PAM: variants seen among roughly 807,000 people sequenced by gnomAD.
PAM encodes the protein peptidylglycine alpha-amidating monooxygenase, also known as peptidyl-glycine alpha-amidating monooxygenase.
PAM carries 72 observed loss-of-function variants against 122.1 expected under a neutral mutation model. The ratio of observed to expected loss-of-function variants is 0.59; its 90% CI spans 0.49 to 0.72. PAM has a LOEUF of 0.72. PAM is among the 30% of genes least tolerant of loss of function. The probability of loss-of-function intolerance (pLI) is 0.00; values close to 1 mark genes in which losing one functional copy is unlikely to be tolerated. For missense variants in PAM, 1,106 were observed against 1,183.7 expected (o/e 0.93, Z 0.96); for synonymous variants, 389 against 404.4 (o/e 0.96, Z 0.46).
At chr5:102,932,221 C>A (rs976699653) in intron 7 of PAM, among the ~76,000 whole-genome samples, 16 of 152,088 alleles carry the variant, frequency 1.1e-4, no homozygotes, top group African/African-American at 3.4e-4. Flanking sequence ...CTTTCCTGGG[C>A]ACAGTGGCTC....
intron 3 of PAM, among the ~76,000 whole-genome samples, chr5:102,882,670 G>C (rs548328183): frequency 9.2e-5 from 14 of 152,102 alleles, no homozygotes; most frequent in East Asian, 5.8e-4. Context: ...CCTGTGGGTT[G>C]TCTGTTTACT....
intron 21 of PAM, among the ~76,000 whole-genome samples, chr5:103,014,205 T>C (rs559073548): frequency 6.6e-6 from 1 of 152,294 alleles, no homozygotes; most frequent in Non-Finnish European, 1.5e-5. Context: ...TAACTTTTAA[T>C]TTAAATATGC....
chr5:102,950,363 C>T lies in PAM; in HGVS notation c.802-354C>T, dbSNP rs79539698. Among the ~76,000 whole-genome samples the T allele has an allele frequency of 7.6e-4, 115 of 150,708 alleles. 4 individuals carry two copies. The East Asian group carries it at 0.019, about 25-fold the overall frequency. ...TAATTAAAGGTGAACTGTTTTTATCCGATGATTAAAGGTGAACTGTTTTTA... is the reference window on the plus strand; with the variant it reads ...TAATTAAAGGTGAACTGTTTTTATCTGATGATTAAAGGTGAACTGTTTTTA... On this transcript the variant is annotated intron_variant, in intron 11 of 25. Coordinates refer to ENST00000438793, the MANE Select transcript of PAM (RefSeq NM_001177306.2).
intron 1 of PAM, among the ~76,000 whole-genome samples, chr5:102,854,447 T>C (rs559062963): frequency 6.6e-6 from 1 of 152,298 alleles, no homozygotes; most frequent in Admixed American, 6.5e-5. Flanking sequence ...CTTTTAGTTA[T>C]GATATAACTC....
intron 14 of PAM, among the ~76,000 whole-genome samples, chr5:102,970,221 T>TA (rs1338122330): frequency 6.6e-6 from 1 of 152,172 alleles, no homozygotes; most frequent in Non-Finnish European, 1.5e-5. Context: ...CACCATCCAA[T>TA]ATGGTAAACA....
chr5:102,830,662 T>A (rs1397053291), intron 1 of PAM, among the ~76,000 whole-genome samples: 1 of 152,200 alleles, frequency 6.6e-6, no homozygotes, highest in Non-Finnish European at 1.5e-5. Flanking sequence ...ATTTAAATCA[T>A]TTTAGCCAAT....
At chr5:102,859,662 C>G (rs886399575) in intron 1 of PAM, among the ~76,000 whole-genome samples, 1 of 152,086 alleles carries the variant, frequency 6.6e-6, no homozygotes, top group East Asian at 1.9e-4. Flanking sequence ...GTTATAAAGT[C>G]TATAGTAGTG....
chr5:102,941,454 C>A (rs932575459), intron 7 of PAM, among the ~76,000 whole-genome samples: 15 of 152,222 alleles, frequency 9.9e-5, no homozygotes, highest in Non-Finnish European at 2.2e-4. Context: ...TGAAGGTCAT[C>A]TGCTAACCCA....
intron 1 of PAM, among the ~76,000 whole-genome samples, chr5:102,794,904 T>C (rs1012311752): frequency 2.6e-5 from 4 of 151,960 alleles, no homozygotes; most frequent in Admixed American, 6.6e-5. Flanking sequence ...AGGAAAATGC[T>C]TGGGGCCAGG....
At chr5:102,851,687 G>T (rs1781383008) in intron 1 of PAM, among the ~76,000 whole-genome samples, 1 of 152,106 alleles carries the variant, frequency 6.6e-6, no homozygotes. Flanking sequence ...TATTAATTTG[G>T]CTAAATCAGA....
chr5:102,824,383 T>C (rs1017880519), intron 1 of PAM, among the ~76,000 whole-genome samples: 15 of 152,180 alleles, frequency 9.9e-5, no homozygotes, highest in African/African-American at 3.6e-4. Context: ...TATAGCTACA[T>C]TGTTTTATCT....
intron 1 of PAM, among the ~76,000 whole-genome samples, chr5:102,835,913 A>G (rs1285778180): frequency 6.6e-6 from 1 of 152,170 alleles, no homozygotes; most frequent in African/African-American, 2.4e-5. Flanking sequence ...TTTTGTATTC[A>G]GAAATATATC....
At chr5:102,818,383 T>C (rs1439092075) in intron 1 of PAM, among the ~76,000 whole-genome samples, 1 of 151,902 alleles carries the variant, frequency 6.6e-6, no homozygotes, top group East Asian at 1.9e-4. Context: ...ATGTGGCCTC[T>C]AGTCTTATAA....
intron 23 of PAM, among the ~76,000 whole-genome samples, chr5:103,024,388 T>C (rs1784394657): frequency 6.6e-6 from 1 of 152,146 alleles, no homozygotes; most frequent in African/African-American, 2.4e-5. Context: ...AGAATAGTTT[T>C]AGTTATTATA....
At position 102,926,684 on chromosome 5, in the gene PAM, T is replaced by C; in HGVS notation, c.526+16T>C. ...GCTTTTAGAGGTAAGTTTTGAAGTG[T>C]TGGAACTAAGCAAAACTTCTAGTAC... is the stretch of plus-strand genomic sequence containing the variant. On this transcript the variant is annotated intron_variant, in intron 7 of 25. Coordinates refer to ENST00000438793, the MANE Select transcript of PAM (RefSeq NM_001177306.2). 7.4e-7 allele frequency: 1 copy of C among 1,350,872 alleles called. No individual in the cohort carries two copies. The highest frequency in any genetic ancestry group is 1.1e-6 in the Non-Finnish European group (1 of 942,356). 83.7% of individuals were successfully genotyped at this position (1,350,872 alleles called of 1,614,324 possible). A position where few individuals can be genotyped will look rare whatever the true frequency, so the allele number is the denominator to read the frequency against.
intron 7 of PAM, among the ~76,000 whole-genome samples, chr5:102,929,750 A>C (rs1444981929): frequency 6.6e-6 from 1 of 152,188 alleles, no homozygotes; most frequent in Non-Finnish European, 1.5e-5. Flanking sequence ...ACCTGAAGCC[A>C]TACCTGGGCA....
chr5:102,934,854 G>A (rs1305868572), intron 7 of PAM, among the ~76,000 whole-genome samples: 2 of 152,074 alleles, frequency 1.3e-5, no homozygotes, highest in African/African-American at 4.8e-5. Context: ...AACTTAATGA[G>A]AAAACTTTAG....
intron 1 of PAM, among the ~76,000 whole-genome samples, chr5:102,854,382 G>T (rs1324350757): frequency 1.3e-5 from 2 of 152,052 alleles, no homozygotes; most frequent in African/African-American, 2.4e-5. Context: ...CCTTATTTTG[G>T]TTTAAATTGG....
At chr5:102,992,328 G>C (rs1478803364) in intron 16 of PAM, among the ~76,000 whole-genome samples, 1 of 150,670 alleles carries the variant, frequency 6.6e-6, no homozygotes, top group Non-Finnish European at 1.5e-5. Flanking sequence ...CTTCATCTTT[G>C]TCTTTCAGAT....
Sources: allele counts gnomAD v4.1 joint callset (sites outside exome capture counted in the v4.1 genomes callset), GRCh38; gene constraint gnomAD v4.1.1; transcripts MANE v1.5; gene names NCBI Gene and HGNC (gene_info 2026-07-23, HGNC 2026-07-21).